CREB3L3: variants seen among roughly 807,000 people sequenced by gnomAD.
CREB3L3 encodes the protein cAMP responsive element binding protein 3 like 3.
Under a neutral mutation model 44.6 loss-of-function variants are expected in CREB3L3, and 40 were observed. That is an observed-to-expected ratio of 0.90 (90% CI 0.70 to 1.17). The LOEUF (loss-of-function observed/expected upper bound fraction) is 1.17. Among genes scored for constraint, CREB3L3 ranks in the 50% most tolerant of loss-of-function variants. The pLI, the probability that CREB3L3 is intolerant of heterozygous loss-of-function variation, is 0.00. For synonymous variants in CREB3L3, 273 were observed against 256.3 expected, an observed-to-expected ratio of 1.06 and a Z score of -0.62; for missense variants, 578 against 595.8, an observed-to-expected ratio of 0.97 and a Z score of 0.31.
At position 4,164,643 on chromosome 19, in the gene CREB3L3, G is replaced by C; in HGVS notation, c.714+3G>C. 1 of 1,613,994 alleles carries C rather than the reference G, an allele frequency of 6.2e-7. No individual in the cohort carries two copies. The highest frequency in any genetic ancestry group is 8.5e-7 in the Non-Finnish European group (1 of 1,179,996). ...CCACTCAGCTGCCCCTCACTAAGGT[G>C]AGTCTGGGGGGACTTCCAGCCCTGG... On this transcript the variant is annotated splice_donor_region_variant and intron_variant, in intron 5 of 9. Transcript: ENST00000078445.
In CREB3L3 at chr19:4,157,131, A is replaced by G; in HGVS notation, c.293A>G (p.Gln98Arg). Residue 98 changes from glutamine to arginine, a missense_variant, in exon 3 of 10, where the codon CAG (glutamine) becomes CGG (arginine). Physicochemically the swap from Gln to Arg is conservative, Grantham distance 43 (BLOSUM62 1). Transcript: ENST00000078445. ...TCCGAAGACCTCCCCTCCGACCCCC[A>G]GGACACCCCTCCACGCAGCGGACCA... ...GISEDLPSDP[Q>R]DTPPRSGPAT... 6.2e-7 allele frequency: 1 copy of G among 1,613,668 alleles called. No homozygotes were observed. The highest frequency in any genetic ancestry group is 1.7e-5 in the Admixed American group (1 of 59,942).
At chr19:4,167,374 G>GAA (rs1460332616) in intron 5 of CREB3L3, among the ~76,000 whole-genome samples, 1 of 134,824 alleles carries the variant, frequency 7.4e-6, no homozygotes, top group African/African-American at 2.8e-5. Flanking sequence ...GAGAGAGAGA[G>GAA]AAAAGGAAGG....
chr19:4,154,892 G>A lies in CREB3L3; in HGVS notation c.28-7G>A, dbSNP rs753417926. The A allele has an allele frequency of 3.4e-5, 55 of 1,613,676 alleles. No individual in the cohort carries two copies. Among genetic ancestry groups the A allele is most frequent in the South Asian group, 2.7e-4 (25 of 91,084 alleles). On this transcript the variant is annotated splice_region_variant and splice_polypyrimidine_tract_variant and intron_variant, in intron 1 of 9. Transcript: ENST00000078445. ...TGTGACCCTCACATCTGTTCCTCGCGCCCCAGATGGCTTCTGCTGCCTGCT... is the reference window on the plus strand; with the variant it reads ...TGTGACCCTCACATCTGTTCCTCGCACCCCAGATGGCTTCTGCTGCCTGCT...
intron 4 of CREB3L3, among the ~76,000 whole-genome samples, chr19:4,163,807 CTTTT>C (rs201891215): frequency 7.5e-6 from 1 of 134,218 alleles, no homozygotes. Flanking sequence ...GCCACCTTTT[CTTTT>C]TTTTTTTTTT....
At position 4,153,710 on chromosome 19, in the gene CREB3L3, AC is replaced by A; in HGVS notation, c.-32del. 3 of 1,613,130 alleles carry A rather than the reference AC, an allele frequency of 1.9e-6. No homozygotes were observed. The highest frequency in any genetic ancestry group is 1.1e-5 in the South Asian group (1 of 90,984). ...GGTGGGCCTCCAGCTTGGAGCAGAGACCCCCCGAGGCATCTGCAGACAGAAC... is the reference window on the plus strand; with the variant it reads ...GGTGGGCCTCCAGCTTGGAGCAGAGACCCCCGAGGCATCTGCAGACAGAAC... On this transcript the variant is annotated 5_prime_UTR_variant, in exon 1 of 10. Coordinates refer to ENST00000078445, the MANE Select transcript of CREB3L3 (RefSeq NM_032607.3).
At chr19:4,154,232 C>T (rs1450925526) in intron 1 of CREB3L3, among the ~76,000 whole-genome samples, 2 of 151,894 alleles carry the variant, frequency 1.3e-5, no homozygotes, top group African/African-American at 2.4e-5. Context: ...CCACCACGCC[C>T]GGCTAATTTT....
intron 4 of CREB3L3, among the ~76,000 whole-genome samples, chr19:4,160,243 C>A (rs1011451309): frequency 1.3e-5 from 2 of 151,874 alleles, no homozygotes; most frequent in African/African-American, 4.8e-5. Context: ...CTGCAGTGAG[C>A]TGTGATTGTA....
chr19:4,163,320 GAAGAAAGAAAAGAAAGA>G (rs2041683361), intron 4 of CREB3L3, among the ~76,000 whole-genome samples: 2 of 96,540 alleles, frequency 2.1e-5, no homozygotes, highest in Middle Eastern at 5.7e-3. Context: ...AAGAAAGAAA[GAAGAAAGAAAAGAAAGA>G]AAGAAAGAAA....
chr19:4,166,087 GTT>G (rs5826835), intron 5 of CREB3L3, among the ~76,000 whole-genome samples: 189 of 140,884 alleles, frequency 1.3e-3, no homozygotes, highest in Middle Eastern at 7.1e-3. Flanking sequence ...ATTCTCATCT[GTT>G]TTTTTTTTTT....
At chr19:4,159,805 A>C in intron 4 of CREB3L3, 23 bp downstream of exon 4, 4 of 1,027,912 alleles carry the variant, frequency 3.9e-6, no homozygotes, top group Non-Finnish European at 6.2e-6. Flanking sequence ...ACACCCTCCC[A>C]TGGGGCGTTG....
At chr19:4,157,674 T>A (rs1207584195) in intron 3 of CREB3L3, among the ~76,000 whole-genome samples, 1 of 152,010 alleles carries the variant, frequency 6.6e-6, no homozygotes, top group African/African-American at 2.4e-5. Flanking sequence ...TAGTAGATTT[T>A]TTTTTATTTT....
At chr19:4,165,197 G>A (rs187638865) in intron 5 of CREB3L3, among the ~76,000 whole-genome samples, 1 of 150,982 alleles carries the variant, frequency 6.6e-6, no homozygotes, top group East Asian at 2.0e-4. Flanking sequence ...TTGGAGATAG[G>A]GTCTTGCTGT....
At position 4,171,186 on chromosome 19, in the gene CREB3L3, G is replaced by T. The variant is rs770685337; in HGVS notation, c.975+11G>T. The T allele has an allele frequency of 1.2e-6, 2 of 1,612,948 alleles. No homozygotes were observed. Among genetic ancestry groups the T allele is most frequent in the Non-Finnish European group, 1.7e-6 (2 of 1,178,956 alleles). On this transcript the variant is annotated intron_variant, in intron 8 of 9. Coordinates refer to ENST00000078445, the MANE Select transcript of CREB3L3 (RefSeq NM_032607.3). The surrounding 1 kb of genome is among the most constrained non-coding windows in gnomAD (Gnocchi z 4.9). ...GGCACCTGTGTCGCAGTGAGTCCTG[G>T]TGCCCCCAGGCAAGCCGGGGACCTA... is the stretch of plus-strand genomic sequence containing the variant.
intron 5 of CREB3L3, among the ~76,000 whole-genome samples, chr19:4,166,116 T>G (rs1966899844): frequency 6.6e-6 from 1 of 151,704 alleles, no homozygotes; most frequent in Non-Finnish European, 1.5e-5. Flanking sequence ...TGAGACAGGT[T>G]CTGACTCTGT....
Position 4,159,420 on chromosome 19 carries a change from G to A in CREB3L3, c.458-244G>A, listed in dbSNP as rs142749977. 8.1e-4 allele frequency among the ~76,000 whole-genome samples: 124 copies of A among 152,318 alleles called. 1 individual carries two copies. The highest frequency in any genetic ancestry group is 2.9e-3 in the African/African-American group (119 of 41,566). On this transcript the variant is annotated intron_variant, in intron 3 of 9. Coordinates refer to ENST00000078445, the MANE Select transcript of CREB3L3 (RefSeq NM_032607.3). ...CCTGCCTTGGCCTCCCAAAGTGCTG[G>A]GAATACAGGCGTGAGCCACCATGAC...
At chr19:4,163,344 GA>G (rs59890925) in intron 4 of CREB3L3, among the ~76,000 whole-genome samples, 2,681 of 150,224 alleles carry the variant, frequency 0.018, 74 homozygotes, top group African/African-American at 0.061. Context: ...AAGAAAGAAA[GA>G]AAGAAAGAAG....
Position 4,171,193 on chromosome 19 carries a change from C to T in CREB3L3, c.975+18C>T. On this transcript the variant is annotated intron_variant, in intron 8 of 9. Transcript: ENST00000078445. The surrounding 1 kb of genome is among the most constrained non-coding windows in gnomAD (Gnocchi z 4.9). ...GTGTCGCAGTGAGTCCTGGTGCCCC[C>T]AGGCAAGCCGGGGACCTAGGCTTCT... is the stretch of plus-strand genomic sequence containing the variant. 6.2e-7 allele frequency: 1 copy of T among 1,610,698 alleles called. No homozygotes were observed. Among genetic ancestry groups the T allele is most frequent in the Middle Eastern group, 1.7e-4 (1 of 6,056 alleles).
intron 4 of CREB3L3, among the ~76,000 whole-genome samples, chr19:4,163,351 AGAAGGAAG>A (rs1555703364): frequency 1.7e-5 from 2 of 117,198 alleles, no homozygotes; most frequent in Non-Finnish European, 3.7e-5. Flanking sequence ...AAAGAAAGAA[AGAAGGAAG>A]GAAGGAAGGA....
At chr19:4,158,791 C>G (rs1459025232) in intron 3 of CREB3L3, among the ~76,000 whole-genome samples, 15 of 143,452 alleles carry the variant, frequency 1.0e-4, no homozygotes, top group Admixed American at 1.0e-3. Context: ...CAGAGCGAGA[C>G]TCCGTCTCAA....
Sources: gnomAD v4.1 joint callset for allele counts (sites outside exome capture counted in the v4.1 genomes callset) on GRCh38, gnomAD v4.1.1 for gene constraint, Gnocchi (gnomAD v3.1) non-coding constraint, MANE v1.5 for transcripts, NCBI Gene and HGNC (gene_info 2026-07-23, HGNC 2026-07-21) for gene names.